The following PDE11A variants were observed in gnomAD, a reference collection of about 807,000 sequenced individuals.
PDE11A encodes the protein dual 3',5'-cyclic-AMP and -GMP phosphodiesterase 11A.
Under a neutral mutation model 100.5 loss-of-function variants are expected in PDE11A, and 100 were observed. The ratio of observed to expected loss-of-function variants is 1.00; its 90% CI spans 0.85 to 1.18. The LOEUF is 1.18. Ranked by LOEUF, PDE11A falls within the 50% of genes most tolerant of loss-of-function variation. The pLI is 0.00. For synonymous variants in PDE11A, 381 were observed against 420.8 expected (o/e 0.91, Z 1.16); for missense variants, 1,141 against 1,152.6 (o/e 0.99, Z 0.15).
intron 9 of PDE11A, among the ~76,000 whole-genome samples, chr2:177,804,006 A>C (rs770909316): frequency 6.6e-6 from 1 of 152,036 alleles, no homozygotes. Flanking sequence ...AAATTATAAA[A>C]ATCTCAGACA....
intron 3 of PDE11A, 127 bp from the exon 4 acceptor site, chr2:177,898,325 A>AT: frequency 1.5e-6 from 1 of 674,160 alleles, no homozygotes; most frequent in East Asian, 2.7e-5. Flanking sequence ...ATTTTAAAAA[A>AT]TTTTATGATT....
intron 5 of PDE11A, among the ~76,000 whole-genome samples, chr2:177,856,091 C>A (rs1311784671): frequency 6.6e-6 from 1 of 152,060 alleles, no homozygotes; most frequent in Admixed American, 6.6e-5. Flanking sequence ...ACATAGAGCT[C>A]CTCAGCAAAG....
In PDE11A at chr2:177,627,067, C is replaced by G. The variant is rs1323148466; in HGVS notation, c.*2340G>C. On this transcript the variant is annotated 3_prime_UTR_variant, in exon 20 of 20. Transcript: ENST00000286063. ...TTTTTTTTTTTGAGACGGAGTCTCG[C>G]TGGTCGCCCAGGCTGGAGGGCAGTG... is the stretch of plus-strand genomic sequence containing the variant. 1 of 120,946 alleles carries G rather than the reference C, an allele frequency of 8.3e-6. No individual in the cohort carries two copies. Among genetic ancestry groups the G allele is most frequent in the Non-Finnish European group, 1.6e-5 (1 of 60,834 alleles). 7.5% of individuals were successfully genotyped at this position (120,946 alleles called of 1,614,324 possible). A position where few individuals can be genotyped will look rare whatever the true frequency, so the allele number is the denominator to read the frequency against.
chr2:177,646,975 C>A (rs1022509674), intron 19 of PDE11A, among the ~76,000 whole-genome samples: 2 of 152,180 alleles, frequency 1.3e-5, no homozygotes, highest in African/African-American at 4.8e-5. Context: ...ATTTTCAGAG[C>A]AGACTGGTAG....
chr2:177,817,775 A>G (rs1297668204), intron 8 of PDE11A, 83 bp downstream of exon 8: 36 of 730,896 alleles, frequency 4.9e-5, no homozygotes, highest in Non-Finnish European at 1.0e-5. Flanking sequence ...ATTGACTAAT[A>G]ATTGTTTGTC....
intron 10 of PDE11A, among the ~76,000 whole-genome samples, chr2:177,738,998 G>A (rs1395815985): frequency 1.3e-5 from 2 of 152,142 alleles, no homozygotes; most frequent in African/African-American, 2.4e-5. Context: ...AGTTTAAAAT[G>A]TCAAGTTTAT....
chr2:177,759,916 G>T (rs776373749), intron 10 of PDE11A, among the ~76,000 whole-genome samples: 2 of 152,104 alleles, frequency 1.3e-5, no homozygotes, highest in African/African-American at 2.4e-5. Flanking sequence ...TTTCTCAGAC[G>T]TCATTACCAT....
intron 2 of PDE11A, among the ~76,000 whole-genome samples, chr2:178,096,862 T>C (rs2087498531): frequency 6.6e-6 from 1 of 152,150 alleles, no homozygotes; most frequent in South Asian, 2.1e-4. Flanking sequence ...ATTACCCAGT[T>C]AGCCATAGCT....
chr2:177,786,524 C>G (rs1267614791), intron 9 of PDE11A, among the ~76,000 whole-genome samples: 4 of 152,170 alleles, frequency 2.6e-5, no homozygotes, highest in African/African-American at 9.7e-5. Flanking sequence ...AGCAACGGAA[C>G]AAAGCTGGAC....
chr2:177,713,211 A>G (rs1458662999), intron 12 of PDE11A, among the ~76,000 whole-genome samples: 4 of 151,954 alleles, frequency 2.6e-5, no homozygotes, highest in Non-Finnish European at 5.9e-5. Flanking sequence ...GTTTCACCAT[A>G]TTAGTGAGGC....
chr2:177,931,825 C>T (rs1322906135), intron 2 of PDE11A, among the ~76,000 whole-genome samples: 1 of 150,132 alleles, frequency 6.7e-6, no homozygotes, highest in African/African-American at 2.5e-5. Flanking sequence ...AAAATTGAGA[C>T]CCAAAAATCC....
intron 1 of PDE11A, among the ~76,000 whole-genome samples, chr2:178,049,030 T>C (rs143746220): frequency 6.6e-6 from 1 of 152,308 alleles, no homozygotes; most frequent in Non-Finnish European, 1.5e-5. Context: ...AGGAAAGGGA[T>C]AGCATCTACT....
rs1340055158 is a variant in PDE11A at position 177,628,832 on chromosome 2, A to T, written c.*575T>A. On this transcript the variant is annotated 3_prime_UTR_variant, in exon 20 of 20. Coordinates refer to ENST00000286063, the MANE Select transcript of PDE11A (RefSeq NM_016953.4). The stretch of plus-strand genomic sequence containing the variant: ...ATTTTTAGGGGGAGAACTGGGATTG[A>T]TCAGTATTTATAAGGATAGTATAGT... The T allele has an allele frequency of 6.3e-6, 1 of 157,482 alleles. No individual in the cohort carries two copies. Among genetic ancestry groups the T allele is most frequent in the African/African-American group, 2.4e-5 (1 of 41,460 alleles). The allele number at this position is 157,482 out of a possible 1,614,324, so 9.8% of individuals were successfully genotyped here.
At chr2:178,072,893 C>T, upstream of PDE11A, 1 of 1,132,578 alleles carries the variant, frequency 8.8e-7, no homozygotes, top group Non-Finnish European at 1.1e-6. Flanking sequence ...CAGCCAAAGT[C>T]CACGGCCCAG....
intron 2 of PDE11A, chr2:177,997,216 C>T (rs1438621629): frequency 6.6e-5 from 86 of 1,299,232 alleles, no homozygotes; most frequent in Middle Eastern, 1.8e-4. Flanking sequence ...TCCACGACTA[C>T]GATTTCTTCG....
intron 10 of PDE11A, among the ~76,000 whole-genome samples, chr2:177,749,086 A>G (rs2081992174): frequency 6.6e-6 from 1 of 152,224 alleles, no homozygotes. Flanking sequence ...AGCCAAATAC[A>G]GTGTGTGCTA....
chr2:177,886,402 A>G (rs1450505690), intron 4 of PDE11A, among the ~76,000 whole-genome samples: 2 of 152,190 alleles, frequency 1.3e-5, no homozygotes, highest in Admixed American at 1.3e-4. Flanking sequence ...TTTGGCATCC[A>G]TTCAGTAAAC....
intron 9 of PDE11A, among the ~76,000 whole-genome samples, chr2:177,774,840 C>A (rs1475061229): frequency 2.0e-5 from 3 of 152,172 alleles, no homozygotes; most frequent in Non-Finnish European, 2.9e-5. Context: ...GTCCTAATCA[C>A]TGGAATCTGT....
chr2:178,034,375 G>T (rs1293018599), intron 1 of PDE11A, among the ~76,000 whole-genome samples: 2 of 152,108 alleles, frequency 1.3e-5, no homozygotes, highest in Non-Finnish European at 2.9e-5. Context: ...ATTCATAAAA[G>T]AAGTTCTTAG....
Sources: allele counts gnomAD v4.1 joint callset (sites outside exome capture counted in the v4.1 genomes callset), GRCh38; gene constraint gnomAD v4.1.1; transcripts MANE v1.5; gene names NCBI Gene and HGNC (gene_info 2026-07-23, HGNC 2026-07-21).